Variants in ZSWIM1 observed in about 807,000 individuals in gnomAD.
The protein encoded by ZSWIM1 is zinc finger SWIM domain-containing protein 1.
A neutral mutation model predicts 29.3 loss-of-function variants in ZSWIM1; 22 were observed. That is an observed-to-expected ratio of 0.75 (90% CI 0.54 to 1.07). The LOEUF is 1.07. Ranked by LOEUF, ZSWIM1 falls within the 50% of genes least tolerant of loss-of-function variation. ZSWIM1 has a pLI of 0.00. For synonymous variants in ZSWIM1, 228 were observed against 240.8 expected, an observed-to-expected ratio of 0.95 and a Z score of 0.49; for missense variants, 511 against 596.2, an observed-to-expected ratio of 0.86 and a Z score of 1.49.
chr20:45,882,080 A>G (rs539191819), intron 1 of ZSWIM1, among the ~76,000 whole-genome samples: 1 of 152,268 alleles, frequency 6.6e-6, no homozygotes, highest in Admixed American at 6.5e-5. Flanking sequence ...CGAACTCCCA[A>G]CCTCAAGTTA....
In ZSWIM1 at chr20:45,882,965, C is replaced by G. The variant is rs759382493; in HGVS notation, c.373C>G (p.Leu125Val). The change falls in exon 2 of 2, where the codon CTG (leucine) becomes GTG (valine). Residue 125 changes from leucine (L) to valine (V), a missense_variant. Transcript: ENST00000372523. Reference sequence around the variant, plus strand: ...CCCTGCCAAGGAGGACACTGAAGGCCTGGCCCAGATGTTCCAAGTATTCAA... The same window carrying G: ...CCCTGCCAAGGAGGACACTGAAGGCGTGGCCCAGATGTTCCAAGTATTCAA... Reference protein sequence around the residue: ...AIPAKEDTEGLAQMFQVFKKF... With the variant: ...AIPAKEDTEGVAQMFQVFKKF... The G allele has an allele frequency of 1.2e-6, 2 of 1,614,204 alleles. No homozygotes were observed. Among genetic ancestry groups the G allele is most frequent in the Admixed American group, 3.3e-5 (2 of 60,018 alleles).
chr20:45,883,770 C>A lies in ZSWIM1; in HGVS notation c.1178C>A (p.Pro393His). 1.2e-6 allele frequency: 2 copies of A among 1,613,794 alleles called. No homozygotes were observed. Among genetic ancestry groups the A allele is most frequent in the Non-Finnish European group, 1.7e-6 (2 of 1,180,038 alleles). The change falls in exon 2 of 2, where the codon CCC (proline) becomes CAC (histidine). Residue 393 changes from proline (P) to histidine (H), a missense_variant. Physicochemically the swap from Pro to His is moderately conservative, Grantham distance 77 (BLOSUM62 -2). Coordinates refer to ENST00000372523, the MANE Select transcript of ZSWIM1 (RefSeq NM_080603.5). Reference sequence around the variant, plus strand: ...TACTTTAACCAGGCCTTCCACCTGCCCTGCCGCCACATCCTAGCCATGCTC... The same window carrying A: ...TACTTTAACCAGGCCTTCCACCTGCACTGCCGCCACATCCTAGCCATGCTC... ...SCYFNQAFHL[P>H]CRHILAMLSA... is the part of the protein sequence containing the mutation.
Position 45,882,954 on chromosome 20 carries a change from A to G in ZSWIM1, c.362A>G (p.Asp121Gly), listed in dbSNP as rs772802600. The change falls in exon 2 of 2, where the codon GAC becomes GGC. Residue 121 changes from aspartate to glycine, a missense_variant. Transcript: ENST00000372523. ...AVYFAIPAKE[D>G]TEGLAQMFQV... ...TACTTTGCCATCCCTGCCAAGGAGG[A>G]CACTGAAGGCCTGGCCCAGATGTTC... 21 of 1,614,074 alleles carry G rather than the reference A, an allele frequency of 1.3e-5. No homozygotes were observed. The Admixed American group carries it at 2.7e-4, about 20-fold the overall frequency.
At position 45,882,869 on chromosome 20, in the gene ZSWIM1, T is replaced by C. The variant is rs553212666; in HGVS notation, c.277T>C (p.Tyr93His). The C allele has an allele frequency of 3.1e-6, 5 of 1,614,260 alleles. No individual in the cohort carries two copies. Among genetic ancestry groups the C allele is most frequent in the South Asian group, 1.1e-5 (1 of 91,090 alleles). Residue 93 changes from tyrosine to histidine, a missense_variant, in exon 2 of 2, where the codon TAT (tyrosine) becomes CAT (histidine). Tyr to His is a moderately conservative substitution (Grantham distance 83). Coordinates refer to ENST00000372523, the MANE Select transcript of ZSWIM1 (RefSeq NM_080603.5). The part of the protein sequence containing the change: ...RTYNPRGKVL[Y>H]TFLVDGPRVQ... ...CTATAACCCAAGGGGTAAGGTCTTA[T>C]ATACCTTCCTGGTGGATGGACCTCG... is the stretch of plus-strand genomic sequence containing the variant.
rs750476942 is a variant in ZSWIM1, at chr20:45,883,145, T to G, written c.553T>G (p.Ser185Ala). 2 of 1,614,100 alleles carry G rather than the reference T, an allele frequency of 1.2e-6. No individual in the cohort carries two copies. The highest frequency in any genetic ancestry group is 2.2e-5 in the South Asian group (2 of 91,074). Residue 185 changes from serine to alanine, a missense_variant, in exon 2 of 2, where the codon TCC becomes GCC. By Grantham distance (99) the Ser-to-Ala change is moderately conservative. Transcript: ENST00000372523. ...KFLQAKFYQL[S>A]LERPVERLLL... ...CCTCCAGGCCAAGTTCTATCAGCTG[T>G]CCCTTGAACGGCCCGTGGAAAGGCT...
At position 45,884,179 on chromosome 20, in the gene ZSWIM1, C is replaced by T; in HGVS notation, c.*129C>T. The T allele has an allele frequency of 7.6e-7, 1 of 1,322,464 alleles. No individual in the cohort carries two copies. Among genetic ancestry groups the T allele is most frequent in the Admixed American group, 2.5e-5 (1 of 39,618 alleles). 81.9% of individuals were successfully genotyped at this position (1,322,464 alleles called of 1,614,324 possible). On this transcript the variant is annotated 3_prime_UTR_variant, in exon 2 of 2. Transcript: ENST00000372523. The stretch of plus-strand genomic sequence containing the variant: ...TGTTGTACTTCCGTGGGCCCTCCTT[C>T]CAGAACAAGGACAACAAGGACAAGG...
At position 45,883,998 on chromosome 20, in the gene ZSWIM1, T is replaced by A; in HGVS notation, c.1406T>A (p.Leu469Gln). The change falls in exon 2 of 2, where the codon CTG (leucine) becomes CAG (glutamine). Residue 469 changes from leucine (L) to glutamine (Q), a missense_variant. By Grantham distance (113) the Leu-to-Gln change is moderately radical (BLOSUM62 -2). Coordinates refer to ENST00000372523, the MANE Select transcript of ZSWIM1 (RefSeq NM_080603.5). ...GAGTTTGAGCGGAGGTATAGCACCC[T>A]GCGGGAACTGGCCGACAGCTGGATT... ...KEEFERRYSTLRELADSWIGP... is the reference protein window; with the variant it reads ...KEEFERRYSTQRELADSWIGP... 1 of 1,613,952 alleles carries A rather than the reference T, an allele frequency of 6.2e-7. No individual in the cohort carries two copies. The highest frequency in any genetic ancestry group is 1.3e-5 in the African/African-American group (1 of 75,014).
rs1414498109 is a variant in ZSWIM1 at position 45,883,612 on chromosome 20, A to G, written c.1020A>G (p.Gln340=). 1.1e-5 allele frequency: 18 copies of G among 1,614,116 alleles called. No homozygotes were observed. The highest frequency in any genetic ancestry group is 1.7e-5 in the Admixed American group (1 of 60,008). ...LNAICTGPAA[Q]LCLGELAVVQ... ...CCATCTGCACAGGGCCAGCAGCCCA[A>G]CTGTGCCTGGGCGAGCTTGCTGTGG... Residue 340 remains glutamine, a synonymous_variant, in exon 2 of 2, where the codon CAA becomes CAG. Coordinates refer to ENST00000372523, the MANE Select transcript of ZSWIM1 (RefSeq NM_080603.5).
In ZSWIM1 at chr20:45,883,333, C is replaced by T; in HGVS notation, c.741C>T (p.Ser247=). The change falls in exon 2 of 2, where the codon AGC becomes AGT. Residue 247 remains serine, a synonymous_variant. Coordinates refer to ENST00000372523, the MANE Select transcript of ZSWIM1 (RefSeq NM_080603.5). ...DRIWLAHRWR[S]RAESSHYFQS... is the part of the protein sequence containing the mutation. ...TCTGGCTGGCTCACCGCTGGAGAAG[C>T]CGAGCTGAGAGCAGCCACTACTTCC... The T allele has an allele frequency of 6.2e-7, 1 of 1,614,202 alleles. No homozygotes were observed. Among genetic ancestry groups the T allele is most frequent in the Non-Finnish European group, 8.5e-7 (1 of 1,180,050 alleles).
Position 45,883,765 on chromosome 20 carries a change from C to T in ZSWIM1, c.1173C>T (p.His391=), listed in dbSNP as rs1232235688. ...SCSCYFNQAF[H]LPCRHILAML... is the part of the protein sequence containing the mutation. The stretch of plus-strand genomic sequence containing the variant: ...GCTGCTACTTTAACCAGGCCTTCCA[C>T]CTGCCCTGCCGCCACATCCTAGCCA... Residue 391 remains histidine (H), a synonymous_variant, in exon 2 of 2, where the codon CAC becomes CAT. Transcript: ENST00000372523. The T allele has an allele frequency of 1.2e-6, 2 of 1,613,760 alleles. No individual in the cohort carries two copies. The highest frequency in any genetic ancestry group is 1.7e-6 in the Non-Finnish European group (2 of 1,180,038).
Position 45,884,142 on chromosome 20 carries a change from ACT to A in ZSWIM1, c.*94_*95del, listed in dbSNP as rs1601126780. The A allele has an allele frequency of 3.2e-5, 43 of 1,342,470 alleles. No individual in the cohort carries two copies. Among genetic ancestry groups the A allele is most frequent in the Non-Finnish European group, 3.8e-5 (38 of 1,002,188 alleles). 83.2% of individuals were successfully genotyped at this position (1,342,470 alleles called of 1,614,324 possible). On this transcript the variant is annotated 3_prime_UTR_variant, in exon 2 of 2. Coordinates refer to ENST00000372523, the MANE Select transcript of ZSWIM1 (RefSeq NM_080603.5). ...CACACACACACACACACACACACAC[ACT>A]CCCTTACACTGTTGTACTTCCGTGG...
intron 1 of ZSWIM1, 100 bp from the exon 2 acceptor site, chr20:45,882,433 C>A: frequency 1.3e-6 from 1 of 782,316 alleles, no homozygotes; most frequent in Non-Finnish European, 2.0e-6. Context: ...TCCCCTAGAA[C>A]AGTGCTGACA....
chr20:45,883,400 G>A lies in ZSWIM1; in HGVS notation c.808G>A (p.Gly270Ser). ...CACCCACATCCTCAGCCAGTTCTTT[G>A]GTACCACCCCATCTGAGAAACAAGG... ...VTTHILSQFF[G>S]TTPSEKQGMA... Residue 270 changes from glycine to serine, a missense_variant, in exon 2 of 2, where the codon GGT (glycine) becomes AGT (serine). By Grantham distance (56) the Gly-to-Ser change is moderately conservative. Transcript: ENST00000372523. 6.2e-7 allele frequency: 1 copy of A among 1,614,188 alleles called. No homozygotes were observed. Among genetic ancestry groups the A allele is most frequent in the South Asian group, 1.1e-5 (1 of 91,086 alleles).
intron 1 of ZSWIM1, 134 bp from the exon 2 acceptor site, chr20:45,882,399 T>G (rs1986291674): frequency 1.6e-6 from 1 of 623,152 alleles, no homozygotes; most frequent in Admixed American, 3.3e-5. Flanking sequence ...TTTGCTTATT[T>G]GTTTACATGT....
In ZSWIM1 at chr20:45,883,736, T is replaced by C. The variant is rs575706304; in HGVS notation, c.1144T>C (p.Cys382Arg). 6.2e-7 allele frequency: 1 copy of C among 1,614,054 alleles called. No individual in the cohort carries two copies. The highest frequency in any genetic ancestry group is 1.3e-5 in the African/African-American group (1 of 75,050). Residue 382 changes from cysteine (C) to arginine (R), a missense_variant, in exon 2 of 2, where the codon TGC becomes CGC. Cys to Arg is a radical substitution (Grantham distance 180). Coordinates refer to ENST00000372523, the MANE Select transcript of ZSWIM1 (RefSeq NM_080603.5). ...GGTGCAGCCCCAGCCCCCTGCCAGC[T>C]GCAGCTGCTACTTTAACCAGGCCTT... ...HKVQPQPPAS[C>R]SCYFNQAFHL...
chr20:45,884,138 A>G lies in ZSWIM1; in HGVS notation c.*88A>G, dbSNP rs1986401997. 3 of 1,429,946 alleles carry G rather than the reference A, an allele frequency of 2.1e-6. No individual in the cohort carries two copies. Among genetic ancestry groups the G allele is most frequent in the East Asian group, 2.4e-5 (1 of 42,236 alleles). The allele number at this position is 1,429,946 out of a possible 1,614,324, so 88.6% of individuals were successfully genotyped here. A position where few individuals can be genotyped will look rare whatever the true frequency, so the allele number is the denominator to read the frequency against. ...CACACACACACACACACACACACAC[A>G]CACACTCCCTTACACTGTTGTACTT... On this transcript the variant is annotated 3_prime_UTR_variant, in exon 2 of 2. Transcript: ENST00000372523.
chr20:45,884,357 C>CTTTTTTTTTTTTTTTTTT lies in ZSWIM1; in HGVS notation c.*313_*330dup, dbSNP rs750505217. The stretch of plus-strand genomic sequence containing the variant: ...TTGGTTTTGTTTTAATATTTTTTTT[C>CTTTTTTTTTTTTTTTTTT]TTTTTTTTTTTTTTTTTTTTTTTGA... On this transcript the variant is annotated 3_prime_UTR_variant, in exon 2 of 2. Coordinates refer to ENST00000372523, the MANE Select transcript of ZSWIM1 (RefSeq NM_080603.5). The CTTTTTTTTTTTTTTTTTT allele has an allele frequency of 1.1e-5, 1 of 92,432 alleles. No individual in the cohort carries two copies. The highest frequency in any genetic ancestry group is 2.1e-5 in the Non-Finnish European group (1 of 47,228). The allele number at this position is 92,432 out of a possible 1,614,324, so 5.7% of individuals were successfully genotyped here. A position where few individuals can be genotyped will look rare whatever the true frequency, so the allele number is the denominator to read the frequency against.
Position 45,884,105 on chromosome 20 carries a change from TACACACACACACACAC to T in ZSWIM1, c.*78_*93del, listed in dbSNP as rs71181872. 129 of 1,089,752 alleles carry T rather than the reference TACACACACACACACAC, an allele frequency of 1.2e-4. No individual in the cohort carries two copies. Among genetic ancestry groups the T allele is most frequent in the African/African-American group, 2.1e-4 (12 of 57,906 alleles). The allele number at this position is 1,089,752 out of a possible 1,614,324, so 67.5% of individuals were successfully genotyped here. A position where few individuals can be genotyped will look rare whatever the true frequency, so the allele number is the denominator to read the frequency against. The stretch of plus-strand genomic sequence containing the variant: ...ACCTGTGCACACTCACATCCACCCA[TACACACACACACACAC>T]ACACACACACACACACACACACTCC... On this transcript the variant is annotated 3_prime_UTR_variant, in exon 2 of 2. Coordinates refer to ENST00000372523, the MANE Select transcript of ZSWIM1 (RefSeq NM_080603.5).
intron 1 of ZSWIM1, among the ~76,000 whole-genome samples, chr20:45,881,908 C>T (rs767911430): frequency 2.6e-5 from 4 of 152,266 alleles, no homozygotes; most frequent in East Asian, 3.9e-4. Flanking sequence ...AGTGCAGTGG[C>T]GCAATCTCGG....
Sources: gnomAD v4.1 joint callset for allele counts (sites outside exome capture counted in the v4.1 genomes callset) on GRCh38, gnomAD v4.1.1 for gene constraint, MANE v1.5 for transcripts, NCBI Gene and HGNC (gene_info 2026-07-23, HGNC 2026-07-21) for gene names.